Variants in CDC25A observed in about 807,000 individuals in gnomAD.
CDC25A encodes cell division cycle 25A.
A neutral mutation model predicts 64.6 loss-of-function variants in CDC25A; 17 were observed. The observed-to-expected ratio is 0.26, with a 90% CI of 0.18 to 0.39. The LOEUF (loss-of-function observed/expected upper bound fraction) is 0.39, where lower values mean the gene tolerates loss of function less well. CDC25A is among the 10% of genes least tolerant of loss of function. The probability of loss-of-function intolerance (pLI) is 1.00; values close to 1 mark genes in which losing one functional copy is unlikely to be tolerated. For missense variants in CDC25A, 473 were observed against 654.8 expected (o/e 0.72, Z 3.03); for synonymous variants, 229 against 238.6 (o/e 0.96, Z 0.37).
chr3:48,164,523 G>T, intron 12 of CDC25A, 86 bp from the exon 13 acceptor site: 1 of 1,259,628 alleles, frequency 7.9e-7, no homozygotes. Context: ...CATCAAGAGT[G>T]ATCTTTAAGT....
Position 48,159,324 on chromosome 3 carries a change from C to G in CDC25A, c.1434+20G>C. 2.6e-6 allele frequency: 4 copies of G among 1,548,358 alleles called. No homozygotes were observed. The South Asian group carries it at 4.5e-5, about 17-fold the overall frequency. ...CTGGGGGCAGGGGAGGAGAGATGCT[C>G]TCCACAACCCCAGTCTTACCTGGCA... On this transcript the variant is annotated intron_variant, in intron 14 of 14. Coordinates refer to ENST00000302506, the MANE Select transcript of CDC25A (RefSeq NM_001789.3).
intron 8 of CDC25A, chr3:48,174,741 GA>G (rs2032395991): frequency 2.2e-5 from 5 of 231,986 alleles, no homozygotes; most frequent in Non-Finnish European, 4.1e-5. Flanking sequence ...TGCGTCAAGA[GA>G]AGTGTGACCT....
At position 48,158,270 on chromosome 3, in the gene CDC25A, C is replaced by G. The variant is rs2031605496; in HGVS notation, c.*675G>C. 3 of 152,748 alleles carry G rather than the reference C, an allele frequency of 2.0e-5. No individual in the cohort carries two copies. The South Asian group carries it at 6.2e-4, about 32-fold the overall frequency. 9.5% of individuals were successfully genotyped at this position (152,748 alleles called of 1,614,324 possible). On this transcript the variant is annotated 3_prime_UTR_variant, in exon 15 of 15. Coordinates refer to ENST00000302506, the MANE Select transcript of CDC25A (RefSeq NM_001789.3). ...CCTCAGTTCTTGGCTTAAATAGCAG[C>G]AGCCCCAGTACCACAGCGCCTCCTG... is the stretch of plus-strand genomic sequence containing the variant.
At chr3:48,179,830 T>C (rs1417500163) in intron 6 of CDC25A, among the ~76,000 whole-genome samples, 1 of 152,220 alleles carries the variant, frequency 6.6e-6, no homozygotes, top group African/African-American at 2.4e-5. Flanking sequence ...GTAACAATAC[T>C]GGCTGAACCT....
Position 48,158,750 on chromosome 3 carries a change from A to G in CDC25A, c.*195T>C. 1.6e-6 allele frequency: 1 copy of G among 623,928 alleles called. No homozygotes were observed. 38.6% of individuals were successfully genotyped at this position (623,928 alleles called of 1,614,324 possible). A position where few individuals can be genotyped will look rare whatever the true frequency, so the allele number is the denominator to read the frequency against. ...TATGGACGGAGGACGTCTAACAGGG[A>G]CAGAAGAGGCGTAGCCAGCAAGATG... On this transcript the variant is annotated 3_prime_UTR_variant, in exon 15 of 15. Coordinates refer to ENST00000302506, the MANE Select transcript of CDC25A (RefSeq NM_001789.3).
At chr3:48,165,107 C>CAA (rs11370901) in intron 12 of CDC25A, among the ~76,000 whole-genome samples, 1,477 of 84,764 alleles carry the variant, frequency 0.017, 44 homozygotes, top group African/African-American at 0.04. Flanking sequence ...GACTCTGTCT[C>CAA]AAAAAAAAAA....
chr3:48,176,418 T>G (rs1292015613), intron 8 of CDC25A, among the ~76,000 whole-genome samples: 1 of 151,380 alleles, frequency 6.6e-6, no homozygotes, highest in African/African-American at 2.4e-5. Context: ...TATGTGATTT[T>G]GAATATATAT....
At chr3:48,182,435 T>C (rs558428891) in intron 5 of CDC25A, among the ~76,000 whole-genome samples, 1 of 152,278 alleles carries the variant, frequency 6.6e-6, no homozygotes, top group Non-Finnish European at 1.5e-5. Flanking sequence ...AAATTCACCT[T>C]CCAAGCCACC....
intron 2 of CDC25A, among the ~76,000 whole-genome samples, chr3:48,186,179 A>G (rs1400162990): frequency 6.6e-6 from 1 of 152,140 alleles, no homozygotes; most frequent in Admixed American, 6.6e-5. Context: ...TTTACTACCC[A>G]TCCTTCAAGG....
intron 9 of CDC25A, among the ~76,000 whole-genome samples, chr3:48,168,801 C>T (rs1010747433): frequency 2.6e-5 from 4 of 151,570 alleles, no homozygotes; most frequent in Non-Finnish European, 5.9e-5. Context: ...TATAGGTGTG[C>T]GCCACCACGC....
chr3:48,181,272 T>C (rs768241840), intron 5 of CDC25A, among the ~76,000 whole-genome samples: 1 of 151,214 alleles, frequency 6.6e-6, no homozygotes, highest in Non-Finnish European at 1.5e-5. Context: ...TTCTATTCTA[T>C]ACTAAAAGCA....
chr3:48,178,180 A>G (rs1575269759), intron 6 of CDC25A, among the ~76,000 whole-genome samples, 192 bp from the exon 7 acceptor site: 1 of 152,308 alleles, frequency 6.6e-6, no homozygotes, highest in East Asian at 1.9e-4. Context: ...CACAGCCCTG[A>G]GTAGTCAGTA....
intron 1 of CDC25A, among the ~76,000 whole-genome samples, 154 bp from the exon 2 acceptor site, chr3:48,186,933 G>T (rs2032865361): frequency 6.6e-6 from 1 of 152,178 alleles, no homozygotes; most frequent in Non-Finnish European, 1.5e-5. Context: ...TTGCCACTCT[G>T]AACACCCAAT....
In CDC25A at chr3:48,188,041, A is replaced by C. The variant is rs2106776229; in HGVS notation, c.-94T>G. 14 of 1,053,794 alleles carry C rather than the reference A, an allele frequency of 1.3e-5. No individual in the cohort carries two copies. Among genetic ancestry groups the C allele is most frequent in the Admixed American group, 4.5e-5 (1 of 22,256 alleles). 65.3% of individuals were successfully genotyped at this position (1,053,794 alleles called of 1,614,324 possible). A position where few individuals can be genotyped will look rare whatever the true frequency, so the allele number is the denominator to read the frequency against. On this transcript the variant is annotated 5_prime_UTR_variant, in exon 1 of 15. Transcript: ENST00000302506. ...CCGACACCGGCCTCGGCCGCGCGCC[A>C]CCGGCGCCCGCGGGTCAAACACAAA...
intron 13 of CDC25A, 53 bp from the exon 14 acceptor site, chr3:48,159,508 A>G: frequency 8.4e-7 from 1 of 1,196,156 alleles, no homozygotes; most frequent in Non-Finnish European, 1.2e-6. Flanking sequence ...GCACAGCAAC[A>G]AGGCAACGCA....
intron 5 of CDC25A, chr3:48,181,483 G>A (rs971843844): frequency 1.3e-5 from 10 of 790,588 alleles, no homozygotes; most frequent in East Asian, 7.9e-5. Context: ...TAGCACTGGC[G>A]TGGGTGGCTG....
chr3:48,177,274 T>C (rs140942225), intron 8 of CDC25A, 97 bp downstream of exon 8: 2 of 924,280 alleles, frequency 2.2e-6, no homozygotes, highest in Middle Eastern at 2.2e-4. Context: ...CCAAATCCTA[T>C]CATGCATTTC....
At chr3:48,168,365 C>G (rs1344248272) in intron 9 of CDC25A, among the ~76,000 whole-genome samples, 12 of 127,386 alleles carry the variant, frequency 9.4e-5, no homozygotes, top group Non-Finnish European at 1.6e-4. Context: ...CCTGTCCACA[C>G]ACACACACAC....
chr3:48,179,954 A>G (rs531987657), intron 6 of CDC25A, among the ~76,000 whole-genome samples: 86 of 152,320 alleles, frequency 5.6e-4, no homozygotes, highest in African/African-American at 2.0e-3. Flanking sequence ...TATAGATGCT[A>G]TCAGTTAATC....
Sources: gnomAD v4.1 joint callset for allele counts (sites outside exome capture counted in the v4.1 genomes callset) on GRCh38, gnomAD v4.1.1 for gene constraint, MANE v1.5 for transcripts, NCBI Gene and HGNC (gene_info 2026-07-23, HGNC 2026-07-21) for gene names.